The following TCF7L2 variants were observed in gnomAD, a reference collection of about 807,000 sequenced individuals.
The protein encoded by TCF7L2 is transcription factor 7 like 2.
Under a neutral mutation model 77.9 loss-of-function variants are expected in TCF7L2, and 23 were observed. That is an observed-to-expected ratio of 0.30 (90% CI 0.21 to 0.42). The LOEUF (loss-of-function observed/expected upper bound fraction) is 0.42. Among genes scored for constraint, TCF7L2 ranks in the 10% least tolerant of loss-of-function variants. The probability of loss-of-function intolerance (pLI) is 1.00; values close to 1 mark genes in which losing one functional copy is unlikely to be tolerated. For missense variants in TCF7L2, 654 were observed against 793.1 expected (o/e 0.82, Z 2.11); for synonymous variants, 413 against 340.2 (o/e 1.21, Z -2.36).
At chr10:112,955,753 A>G (rs866725623) in intron 3 of TCF7L2, among the ~76,000 whole-genome samples, 10 of 152,088 alleles carry the variant, frequency 6.6e-5, no homozygotes, top group Admixed American at 1.3e-4. Flanking sequence ...AGCTGTGAAA[A>G]AGTTACCGGA....
chr10:113,058,945 T>C (rs761862425), intron 5 of TCF7L2, among the ~76,000 whole-genome samples: 80 of 152,266 alleles, frequency 5.3e-4, no homozygotes, highest in Non-Finnish European at 9.7e-4. Flanking sequence ...CTCACTGCTG[T>C]GTATGCTTTT....
At position 113,112,461 on chromosome 10, in the gene TCF7L2, G is replaced by C. The variant is rs189182927; in HGVS notation, c.553-28723G>C. Among the ~76,000 whole-genome samples, 70 of 152,362 alleles carry C rather than the reference G, an allele frequency of 4.6e-4. No individual in the cohort carries two copies. In the East Asian group the frequency reaches 0.013, roughly 29 times the overall value. ...CGACTGGCAAGGCTCAGAAGGACTT[G>C]CTTTCCTAAAATCTCCTCCCCTGGT... On this transcript the variant is annotated intron_variant, in intron 5 of 13. Transcript: ENST00000627217.
chr10:113,099,969 C>A (rs74960516), intron 5 of TCF7L2, among the ~76,000 whole-genome samples: 1 of 152,166 alleles, frequency 6.6e-6, no homozygotes, highest in Admixed American at 6.5e-5. Flanking sequence ...CTGCCCTCCA[C>A]GCAAGTACCC....
intron 5 of TCF7L2, among the ~76,000 whole-genome samples, chr10:113,049,491 C>T (rs894331758): frequency 3.3e-5 from 5 of 152,044 alleles, no homozygotes; most frequent in East Asian, 1.9e-4. Flanking sequence ...TGGCATCCAC[C>T]GCTTATCACC....
intron 11 of TCF7L2, among the ~76,000 whole-genome samples, chr10:113,155,554 C>T (rs1472138605): frequency 3.9e-5 from 6 of 152,196 alleles, no homozygotes; most frequent in African/African-American, 9.7e-5. Flanking sequence ...TCAACATCTC[C>T]GTGCTATATC....
rs188290767 is a variant in TCF7L2, at chr10:113,159,332, A to T, written c.1318+1263A>T. Among the ~76,000 whole-genome samples the T allele has an allele frequency of 6.4e-4, 96 of 150,642 alleles. 2 individuals are homozygous for T. In the East Asian group the frequency reaches 0.017, roughly 27 times the overall value. On this transcript the variant is annotated intron_variant, in intron 12 of 13. Coordinates refer to ENST00000627217, the MANE Select transcript of TCF7L2 (RefSeq NM_001146274.2). The stretch of plus-strand genomic sequence containing the variant: ...TTAATAATTAATGAAAATAGATTTA[A>T]AAAAAAGACGAACGTTCCAAAAGCT...
chr10:112,951,297 CAGCCGCCCGG>C (rs1033466592), intron 2 of TCF7L2, 24 bp downstream of exon 2: 49 of 1,262,438 alleles, frequency 3.9e-5, no homozygotes, highest in African/African-American at 3.2e-4. Flanking sequence ...GCGCGCCCCG[CAGCCGCCCGG>C]AGCCGCCCCC....
At position 113,166,846 on chromosome 10, in the gene TCF7L2, A is replaced by G. The variant is rs916416224; in HGVS notation, c.*874A>G. On this transcript the variant is annotated 3_prime_UTR_variant, in exon 14 of 14. Coordinates refer to ENST00000627217, the MANE Select transcript of TCF7L2 (RefSeq NM_001146274.2). ...ACTTTTTTTTTTCTGTATGAAACCC[A>G]GATGTCACCAAATGGACATTAATAG... 4 of 228,622 alleles carry G rather than the reference A, an allele frequency of 1.7e-5. No homozygotes were observed. The highest frequency in any genetic ancestry group is 8.7e-6 in the Non-Finnish European group (1 of 115,392). The allele number at this position is 228,622 out of a possible 1,614,324, so 14.2% of individuals were successfully genotyped here.
At chr10:113,043,970 T>C (rs2052959175) in intron 5 of TCF7L2, among the ~76,000 whole-genome samples, 1 of 152,066 alleles carries the variant, frequency 6.6e-6, no homozygotes, top group Non-Finnish European at 1.5e-5. Context: ...CCCAAAATGG[T>C]GGTATTTTGG....
chr10:113,119,843 T>C (rs1241003341), intron 5 of TCF7L2, among the ~76,000 whole-genome samples: 1 of 152,210 alleles, frequency 6.6e-6, no homozygotes, highest in Admixed American at 6.5e-5. Context: ...AACCCTAATA[T>C]GTCCACTACC....
At chr10:113,165,248 C>T (rs1408796560) in intron 13 of TCF7L2, among the ~76,000 whole-genome samples, 7 of 152,168 alleles carry the variant, frequency 4.6e-5, no homozygotes, top group Non-Finnish European at 1.0e-4. Context: ...CAGGTGGCCG[C>T]CTCCATGCTG....
At chr10:113,127,029 C>T in intron 5 of TCF7L2, 2 of 730,256 alleles carry the variant, frequency 2.7e-6, no homozygotes, top group Non-Finnish European at 3.4e-6. Flanking sequence ...TTTGCGGTAA[C>T]TTTCAGGTTG....
At chr10:113,010,211 G>A (rs1057213603) in intron 4 of TCF7L2, among the ~76,000 whole-genome samples, 4 of 152,144 alleles carry the variant, frequency 2.6e-5, no homozygotes, top group African/African-American at 9.7e-5. Flanking sequence ...GGTCATGGGA[G>A]CAGGTGTGGA....
Position 112,953,685 on chromosome 10 carries a change from G to A in TCF7L2, c.381+2078G>A, listed in dbSNP as rs150611494. Among the ~76,000 whole-genome samples, 3 of 152,306 alleles carry A rather than the reference G, an allele frequency of 2.0e-5. No homozygotes were observed. In the East Asian group the frequency reaches 5.8e-4, roughly 29 times the overall value. ...TCCCTTCTCAAACTTGAGCAGTTGT[G>A]TTGTCTTGTAATTAGCAAACAGGGA... On this transcript the variant is annotated intron_variant, in intron 3 of 13. Transcript: ENST00000627217.
intron 5 of TCF7L2, chr10:113,126,636 G>A: frequency 1.0e-6 from 1 of 985,106 alleles, no homozygotes. Flanking sequence ...CCCAGTTATT[G>A]TGCTCTTCCC....
Position 112,956,768 on chromosome 10 carries a change from A to C in TCF7L2, c.381+5161A>C, listed in dbSNP as rs562146861. On this transcript the variant is annotated intron_variant, in intron 3 of 13. Transcript: ENST00000627217. ...GGTCATAAATCCACAGGCTTTATTT[A>C]CAGCCCATAACACTTATGAATGTTA... Among the ~76,000 whole-genome samples the C allele has an allele frequency of 1.9e-4, 29 of 152,330 alleles. No individual in the cohort carries two copies. In the South Asian group the frequency reaches 5.4e-3, roughly 28 times the overall value.
In TCF7L2 at chr10:112,998,875, C is replaced by T. The variant is rs566721246; in HGVS notation, c.450+34251C>T. On this transcript the variant is annotated intron_variant, in intron 4 of 13. Coordinates refer to ENST00000627217, the MANE Select transcript of TCF7L2 (RefSeq NM_001146274.2). ...GTCTTTGTATTTTTCTTGGTTATCACATCACATCAAATTAAGATACTGATC... is the reference window on the plus strand; with the variant it reads ...GTCTTTGTATTTTTCTTGGTTATCATATCACATCAAATTAAGATACTGATC... Among the ~76,000 whole-genome samples the T allele has an allele frequency of 3.9e-5, 6 of 152,318 alleles. No homozygotes were observed. The East Asian group carries it at 1.2e-3, about 29-fold the overall frequency.
chr10:112,964,735 GAT>G, intron 4 of TCF7L2, 111 bp downstream of exon 4: 4 of 909,150 alleles, frequency 4.4e-6, no homozygotes, highest in East Asian at 3.2e-5. Context: ...TGATGATGAT[GAT>G]GATGGTGGTG....
intron 5 of TCF7L2, among the ~76,000 whole-genome samples, chr10:113,135,109 G>A (rs915922752): frequency 1.6e-4 from 24 of 152,196 alleles, no homozygotes; most frequent in Admixed American, 7.8e-4. Context: ...GGTGAGAGGG[G>A]GACTAAGCAG....
Sources: allele counts gnomAD v4.1 joint callset (sites outside exome capture counted in the v4.1 genomes callset), GRCh38; gene constraint gnomAD v4.1.1; transcripts MANE v1.5; gene names NCBI Gene and HGNC (gene_info 2026-07-23, HGNC 2026-07-21).